ITIH3: variants seen among roughly 807,000 people sequenced by gnomAD.
The protein encoded by ITIH3 is inter-alpha-trypsin inhibitor heavy chain H3.
Under a neutral mutation model 96.5 loss-of-function variants are expected in ITIH3, and 81 were observed. The ratio of observed to expected loss-of-function variants is 0.84; its 90% confidence interval spans 0.70 to 1.01. The LOEUF (loss-of-function observed/expected upper bound fraction) is 1.01. Ranked by LOEUF, ITIH3 falls within the 50% of genes least tolerant of loss-of-function variation. ITIH3 has a pLI of 0.00. For missense variants in ITIH3, 1,057 were observed against 1,139.3 expected, an observed-to-expected ratio of 0.93 and a Z score of 1.04; for synonymous variants, 422 against 445.2, an observed-to-expected ratio of 0.95 and a Z score of 0.66.
At chr3:52,796,376 G>C in intron 2 of ITIH3, 105 bp from the exon 3 acceptor site, 1 of 955,994 alleles carries the variant, frequency 1.0e-6, no homozygotes, top group Admixed American at 2.3e-5. Flanking sequence ...TGCGTGCCGG[G>C]CAGGGGCCTC....
intron 3 of ITIH3, 23 bp from the exon 4 acceptor site, chr3:52,796,715 AC>A (rs769936021): frequency 6.2e-7 from 1 of 1,606,794 alleles, no homozygotes; most frequent in Non-Finnish European, 8.5e-7. Flanking sequence ...TGATCTCCCT[AC>A]CCCCAACTCT....
chr3:52,806,000 G>T, intron 16 of ITIH3, 103 bp from the exon 17 acceptor site: 1 of 1,488,818 alleles, frequency 6.7e-7, no homozygotes, highest in Non-Finnish European at 9.2e-7. Context: ...ATTAGCGAGC[G>T]GGAAGGGGAG....
chr3:52,803,330 T>C (rs1338886545), intron 13 of ITIH3, among the ~76,000 whole-genome samples: 1 of 143,566 alleles, frequency 7.0e-6, no homozygotes, highest in African/African-American at 2.8e-5. Flanking sequence ...TTATTATTTT[T>C]TTTTTTGAGA....
Position 52,796,745 on chromosome 3 carries a change from C to T in ITIH3, c.288C>T (p.Ile96=), listed in dbSNP as rs749803832. Residue 96 remains isoleucine (I), a synonymous_variant, in exon 4 of 22, where the codon ATC becomes ATT. Transcript: ENST00000449956. The part of the protein sequence containing the change: ...TAFITNFTLT[I]DGVTYPGNVK... ...CAACTCTCTTTCCCTGCAGGACCAT[C>T]GACGGTGTTACCTACCCTGGGAATG... 2.8e-5 allele frequency: 45 copies of T among 1,610,808 alleles called. No homozygotes were observed. The highest frequency in any genetic ancestry group is 1.7e-4 in the African/African-American group (13 of 74,832).
intron 14 of ITIH3, 56 bp downstream of exon 14, chr3:52,804,065 CTGG>C (rs1419346008): frequency 6.4e-7 from 1 of 1,557,630 alleles, no homozygotes; most frequent in Non-Finnish European, 8.7e-7. Context: ...GGCACCCTAC[CTGG>C]GTGTCCAGTG....
rs1559471633 is a variant in ITIH3, at chr3:52,800,594, G to A, written c.1132G>A (p.Glu378Lys). ...RGISMLNKAR[E>K]EHRIPERSTS... Reference sequence around the variant, plus strand: ...CATCAGTATGCTGAACAAGGCCCGAGAGGAGCACAGAATCCCAGAGAGGAG... The same window carrying A: ...CATCAGTATGCTGAACAAGGCCCGAAAGGAGCACAGAATCCCAGAGAGGAG... Residue 378 changes from glutamate (E) to lysine (K), a missense_variant, in exon 10 of 22, where the codon GAG becomes AAG. By Grantham distance (56) the Glu-to-Lys change is moderately conservative (BLOSUM62 1). Transcript: ENST00000449956. 1.3e-6 allele frequency: 2 copies of A among 1,574,166 alleles called. No homozygotes were observed. Among genetic ancestry groups the A allele is most frequent in the East Asian group, 4.7e-5 (2 of 42,854 alleles).
intron 5 of ITIH3, among the ~76,000 whole-genome samples, chr3:52,797,470 T>A (rs1199251144): frequency 1.3e-5 from 2 of 152,206 alleles, no homozygotes; most frequent in Non-Finnish European, 2.9e-5. Flanking sequence ...ACTCCACAGA[T>A]GCAGATTCGG....
At chr3:52,805,068 T>A in intron 15 of ITIH3, 1 of 289,934 alleles carries the variant, frequency 3.4e-6, no homozygotes, top group Non-Finnish European at 6.5e-6. Context: ...TGATCCCCAT[T>A]TTACAATGGG....
intron 18 of ITIH3, 91 bp downstream of exon 18, chr3:52,806,497 C>G: frequency 2.1e-6 from 2 of 959,964 alleles, no homozygotes; most frequent in South Asian, 1.6e-5. Flanking sequence ...GGTTCTCACT[C>G]TGCCCAGTAA....
At position 52,799,844 on chromosome 3, in the gene ITIH3, AAG is replaced by A. The variant is rs778545922; in HGVS notation, c.1001_1002del (p.Glu334AlafsTer23). 2.7e-5 allele frequency: 43 copies of A among 1,613,760 alleles called. No homozygotes were observed. The highest frequency in any genetic ancestry group is 3.5e-5 in the Non-Finnish European group (41 of 1,179,794). On this transcript the variant is annotated frameshift_variant, in exon 9 of 22. Coordinates refer to ENST00000449956, the MANE Select transcript of ITIH3 (RefSeq NM_002217.4). LOFTEE classifies it high-confidence loss of function. ...TTCAGTGGAGATGTGTCCACATGGA[AAG>A]AGCACTTAGTCCAGGCCACGCCCGA...
Position 52,805,314 on chromosome 3 carries a change from C to T in ITIH3, c.1874-494C>T, listed in dbSNP as rs535486102. 17 of 1,008,358 alleles carry T rather than the reference C, an allele frequency of 1.7e-5. No homozygotes were observed. In the East Asian group the frequency reaches 1.2e-3, roughly 74 times the overall value. 62.5% of individuals were successfully genotyped at this position (1,008,358 alleles called of 1,614,324 possible). ...TGCCCCACCTCCATTTGGACTGGCA[C>T]ATTTGGACTGGGCCATCACATTCCC... On this transcript the variant is annotated intron_variant, in intron 15 of 21. Transcript: ENST00000449956.
At chr3:52,805,193 GCTGGGGATCACAGTCCT>G in intron 15 of ITIH3, 1 of 609,680 alleles carries the variant, frequency 1.6e-6, no homozygotes, top group Non-Finnish European at 2.1e-6. Context: ...GCTGGGAATT[GCTGGGGATCACAGTCCT>G]CTGTGCCTCT....
At position 52,796,585 on chromosome 3, in the gene ITIH3, G is replaced by A. The variant is rs754857466; in HGVS notation, c.219G>A (p.Thr73=). The A allele has an allele frequency of 9.9e-6, 16 of 1,613,366 alleles. No individual in the cohort carries two copies. Among genetic ancestry groups the A allele is most frequent in the South Asian group, 4.4e-5 (4 of 90,902 alleles). The change falls in exon 3 of 22, where the codon ACG becomes ACA. Residue 73 remains threonine (T), a synonymous_variant. Transcript: ENST00000449956. Reference sequence around the variant, plus strand: ...TGAGAGCCGTCAACCGTGCAGACACGGCCAAGGAGGTTTCCTTTGATGTGG... The same window carrying A: ...TGAGAGCCGTCAACCGTGCAGACACAGCCAAGGAGGTTTCCTTTGATGTGG... ...VTMRAVNRAD[T]AKEVSFDVEL... is the part of the protein sequence containing the mutation.
chr3:52,800,587 G>C lies in ITIH3; in HGVS notation c.1125G>C (p.Lys375Asn). ...TGAGGGGCATCAGTATGCTGAACAAGGCCCGAGAGGAGCACAGAATCCCAG... is the reference window on the plus strand; with the variant it reads ...TGAGGGGCATCAGTATGCTGAACAACGCCCGAGAGGAGCACAGAATCCCAG... ...GLLRGISMLN[K>N]AREEHRIPER... Residue 375 changes from lysine (K) to asparagine (N), a missense_variant, in exon 10 of 22, where the codon AAG becomes AAC. Physicochemically the swap from Lys to Asn is moderately conservative, Grantham distance 94 (BLOSUM62 0). Coordinates refer to ENST00000449956, the MANE Select transcript of ITIH3 (RefSeq NM_002217.4). 6.4e-7 allele frequency: 1 copy of C among 1,568,574 alleles called. No individual in the cohort carries two copies. Among genetic ancestry groups the C allele is most frequent in the South Asian group, 1.2e-5 (1 of 84,974 alleles).
At chr3:52,805,058 T>C in intron 15 of ITIH3, 1 of 298,954 alleles carries the variant, frequency 3.3e-6, no homozygotes, top group Non-Finnish European at 6.3e-6. Flanking sequence ...GGCCCTTTTA[T>C]GATCCCCATT....
chr3:52,804,579 C>T (rs1699967851), intron 14 of ITIH3, 147 bp from the exon 15 acceptor site: 1 of 761,050 alleles, frequency 1.3e-6, no homozygotes, highest in East Asian at 2.7e-5. Context: ...CTCCTAGTTC[C>T]AGGGGACACC....
chr3:52,797,384 CTTGGCTGGG>C, intron 5 of ITIH3, 117 bp downstream of exon 5: 2 of 1,105,434 alleles, frequency 1.8e-6, no homozygotes, highest in Non-Finnish European at 2.6e-6. Context: ...ATCCCCCATC[CTTGGCTGGG>C]AAGGCTGGAG....
chr3:52,798,046 C>A (rs1483971234), intron 6 of ITIH3, 116 bp downstream of exon 6: 8 of 658,584 alleles, frequency 1.2e-5, no homozygotes, highest in Non-Finnish European at 1.6e-5. Flanking sequence ...TGGGGTGGGG[C>A]TGGGGATCAA....
chr3:52,805,372 T>C (rs781125615), intron 15 of ITIH3: 129 of 1,025,548 alleles, frequency 1.3e-4, no homozygotes, highest in Non-Finnish European at 1.5e-4. Flanking sequence ...TACCGGTGCA[T>C]GTGAGTACAT....
Sources: gnomAD v4.1 joint callset for allele counts (sites outside exome capture counted in the v4.1 genomes callset) on GRCh38, gnomAD v4.1.1 for gene constraint, MANE v1.5 for transcripts, NCBI Gene and HGNC (gene_info 2026-07-23, HGNC 2026-07-21) for gene names.